Variants in ESPNL observed in about 807,000 individuals in gnomAD.
ESPNL encodes the protein espin like, also known as espin-like protein.
In ESPNL, 49 loss-of-function variants were observed where a neutral mutation model predicts 46.8. The ratio of observed to expected loss-of-function variants is 1.05; its 90% CI spans 0.83 to 1.33. ESPNL has a LOEUF of 1.33. Ranked by LOEUF, ESPNL falls within the 40% of genes most tolerant of loss-of-function variation. The pLI, the probability that ESPNL is intolerant of heterozygous loss-of-function variation, is 0.00. For synonymous variants in ESPNL, 664 were observed against 662.1 expected (o/e 1.00, Z -0.04); for missense variants, 1,540 against 1,436.6 (o/e 1.07, Z -1.16).
intron 8 of ESPNL, among the ~76,000 whole-genome samples, chr2:238,129,843 C>T (rs62197372): frequency 0.098 from 14,934 of 152,338 alleles, 765 homozygotes; most frequent in African/African-American, 0.13. Context: ...TACAGCCTGT[C>T]TCCATCGTCT....
intron 3 of ESPNL, 149 bp downstream of exon 3, chr2:238,104,991 G>A: frequency 1.4e-6 from 1 of 703,152 alleles, no homozygotes; most frequent in South Asian, 2.5e-5. Context: ...TGGCTCCCGA[G>A]AATCTGCAGC....
chr2:238,127,196 G>C (rs116101778), intron 6 of ESPNL, among the ~76,000 whole-genome samples: 1,732 of 152,338 alleles, frequency 0.011, 37 homozygotes, highest in African/African-American at 0.04. Flanking sequence ...GATTGTGTCT[G>C]TGCGTGTCTG....
intron 5 of ESPNL, among the ~76,000 whole-genome samples, chr2:238,124,746 TGTGTGTGCAGGAGAGTGTACATGC>T (rs1418591654): frequency 7.0e-6 from 1 of 143,838 alleles, no homozygotes; most frequent in Non-Finnish European, 1.5e-5. Context: ...AGTACATGCA[TGTGTGTGCAGGAGAGTGTACATGC>T]GTGTGTGCAG....
chr2:238,130,572 C>A lies in ESPNL; in HGVS notation c.1858C>A (p.Pro620Thr), dbSNP rs1482757686. Residue 620 changes from proline to threonine, a missense_variant, in exon 9 of 9, where the codon CCA becomes ACA. Transcript: ENST00000343063. Reference protein sequence around the residue: ...VHGLVQGDEKPSTRPLQDTCR... With the variant: ...VHGLVQGDEKTSTRPLQDTCR... ...TGGGCTAGTACAGGGGGATGAGAAG[C>A]CATCCACCCGGCCCCTGCAGGACAC... 5.1e-6 allele frequency: 8 copies of A among 1,580,256 alleles called. No individual in the cohort carries two copies. Among genetic ancestry groups the A allele is most frequent in the Non-Finnish European group, 6.9e-6 (8 of 1,163,478 alleles).
In ESPNL at chr2:238,114,752, A is replaced by G. The variant is rs1480579552; in HGVS notation, c.856-2151A>G. ...TTTTAAATGGGGAAAAGGAAAAAGA[A>G]TCACATCTCATGACACATGAAACTC... On this transcript the variant is annotated intron_variant, in intron 4 of 8. Transcript: ENST00000343063. The surrounding 1 kb of genome is among the most constrained non-coding windows in gnomAD (Gnocchi z 5.0). Among the ~76,000 whole-genome samples the G allele has an allele frequency of 6.6e-6, 1 of 152,248 alleles. No individual in the cohort carries two copies. The highest frequency in any genetic ancestry group is 1.5e-5 in the Non-Finnish European group (1 of 68,042).
At chr2:238,123,331 G>A (rs2106475244) in intron 5 of ESPNL, among the ~76,000 whole-genome samples, 1 of 152,354 alleles carries the variant, frequency 6.6e-6, no homozygotes, top group Non-Finnish European at 1.5e-5. Flanking sequence ...CAAAGACTGA[G>A]GTCTCCAGTG....
chr2:238,124,574 C>CGT (rs138488751), intron 5 of ESPNL, among the ~76,000 whole-genome samples: 6 of 149,348 alleles, frequency 4.0e-5, no homozygotes, highest in South Asian at 4.3e-4. Context: ...CAGGAGAGTA[C>CGT]GTGTGTGTGT....
chr2:238,106,905 A>G (rs1213095778), intron 3 of ESPNL, among the ~76,000 whole-genome samples: 1 of 152,232 alleles, frequency 6.6e-6, no homozygotes, highest in Non-Finnish European at 1.5e-5. Flanking sequence ...TGCTTTGCCC[A>G]ACAGACACTT....
chr2:238,131,329 C>G lies in ESPNL; in HGVS notation c.2615C>G (p.Ala872Gly), dbSNP rs78076311. The change falls in exon 9 of 9, where the codon GCG (alanine) becomes GGG (glycine). Residue 872 changes from alanine to glycine, a missense_variant. Transcript: ENST00000343063. Reference sequence around the variant, plus strand: ...CAGCTGCTGGAGTGCGACCTGCCGGCGGAGGAGCGGAAGCTGCGCCACCTG... The same window carrying G: ...CAGCTGCTGGAGTGCGACCTGCCGGGGGAGGAGCGGAAGCTGCGCCACCTG... ...YFQLLECDLP[A>G]EERKLRHLLC... is the part of the protein sequence containing the mutation. The G allele has an allele frequency of 2.5e-6, 4 of 1,588,734 alleles. No homozygotes were observed. In the East Asian group the frequency reaches 9.2e-5, roughly 36 times the overall value.
At chr2:238,103,062 C>T (rs2106463721) in intron 2 of ESPNL, among the ~76,000 whole-genome samples, 1 of 152,356 alleles carries the variant, frequency 6.6e-6, no homozygotes, top group African/African-American at 2.4e-5. Context: ...ACACCACCCT[C>T]AGCCTTGGCT....
At chr2:238,120,603 A>T (rs1192528615) in intron 5 of ESPNL, among the ~76,000 whole-genome samples, 1 of 152,240 alleles carries the variant, frequency 6.6e-6, no homozygotes, top group East Asian at 1.9e-4. Flanking sequence ...CGGCGCATGA[A>T]AACCCAACCC....
At chr2:238,128,576 C>A in intron 7 of ESPNL, 131 bp from the exon 8 acceptor site, 1 of 784,154 alleles carries the variant, frequency 1.3e-6, no homozygotes, top group Non-Finnish European at 2.0e-6. Flanking sequence ...GTGGCCCCCA[C>A]TGTCCCTCCT....
chr2:238,107,574 C>T (rs1027365504), intron 3 of ESPNL, among the ~76,000 whole-genome samples: 2 of 152,328 alleles, frequency 1.3e-5, no homozygotes, highest in East Asian at 1.9e-4. Context: ...TAAGCTACTG[C>T]GCTCACTTCA....
At position 238,114,522 on chromosome 2, in the gene ESPNL, G is replaced by T. The variant is rs1242244970; in HGVS notation, c.856-2381G>T. Reference sequence around the variant, plus strand: ...CTCCAGCGACTGGCTTCAGCGACCTGCCCCAGCCTCCCCAGCCCCGGTGTC... The same window carrying T: ...CTCCAGCGACTGGCTTCAGCGACCTTCCCCAGCCTCCCCAGCCCCGGTGTC... On this transcript the variant is annotated intron_variant, in intron 4 of 8. Coordinates refer to ENST00000343063, the MANE Select transcript of ESPNL (RefSeq NM_194312.4). The surrounding 1 kb of genome is among the most constrained non-coding windows in gnomAD (Gnocchi z 5.0). 3.9e-5 allele frequency among the ~76,000 whole-genome samples: 6 copies of T among 151,996 alleles called. No homozygotes were observed. The highest frequency in any genetic ancestry group is 1.4e-4 in the African/African-American group (6 of 41,382).
rs777545319 is a variant in ESPNL, at chr2:238,130,438, G to A, written c.1724G>A (p.Gly575Glu). Residue 575 changes from glycine (G) to glutamate (E), a missense_variant, in exon 9 of 9, where the codon GGG (glycine) becomes GAG (glutamate). Transcript: ENST00000343063. ...TCAATCCCAGCGGCTGAGCCCGCAG[G>A]GTCTGCGGAGGCCTCAGAGGTGGCC... ...EASIPAAEPA[G>E]SAEASEVAPG... The A allele has an allele frequency of 2.5e-6, 4 of 1,605,348 alleles. No individual in the cohort carries two copies. The highest frequency in any genetic ancestry group is 2.5e-6 in the Non-Finnish European group (3 of 1,176,858).
At chr2:238,123,941 A>G (rs2106475563) in intron 5 of ESPNL, among the ~76,000 whole-genome samples, 1 of 152,262 alleles carries the variant, frequency 6.6e-6, no homozygotes, top group African/African-American at 2.4e-5. Context: ...GCTGGGAGGC[A>G]GCCTGTGCCA....
chr2:238,126,330 GTGTC>G (rs1302769706), intron 6 of ESPNL, among the ~76,000 whole-genome samples: 2 of 144,338 alleles, frequency 1.4e-5, no homozygotes, highest in Non-Finnish European at 3.0e-5. Context: ...TTGTGTCTGT[GTGTC>G]TGTATGTGAT....
At chr2:238,123,857 G>A (rs1240959493) in intron 5 of ESPNL, among the ~76,000 whole-genome samples, 1 of 147,592 alleles carries the variant, frequency 6.8e-6, no homozygotes. Context: ...CTTTCAGACT[G>A]TGTTCCCTTC....
chr2:238,127,023 TTG>T (rs1303382853), intron 6 of ESPNL, among the ~76,000 whole-genome samples: 10 of 151,204 alleles, frequency 6.6e-5, no homozygotes, highest in Non-Finnish European at 1.2e-4. Context: ...GTGATTGTGT[TTG>T]TGTGTCTGTT....
Sources: gnomAD v4.1 joint callset for allele counts (sites outside exome capture counted in the v4.1 genomes callset) on GRCh38, gnomAD v4.1.1 for gene constraint, Gnocchi (gnomAD v3.1) non-coding constraint, MANE v1.5 for transcripts, NCBI Gene and HGNC (gene_info 2026-07-23, HGNC 2026-07-21) for gene names.